Variants in CAMTA1 observed in about 807,000 individuals in gnomAD.
The protein encoded by CAMTA1 is calmodulin binding transcription activator 1, also known as calmodulin-binding transcription activator 1.
CAMTA1 carries 27 observed loss-of-function variants against 170.9 expected under a neutral mutation model. That is an observed-to-expected ratio of 0.16 (90% confidence interval 0.12 to 0.22). CAMTA1 has a LOEUF of 0.22. CAMTA1 is among the 10% of genes least tolerant of loss of function. The pLI is 1.00. For missense variants in CAMTA1, 1,619 were observed against 2,217.2 expected (o/e 0.73, Z 5.42); for synonymous variants, 833 against 891.5 (o/e 0.93, Z 1.17).
intron 3 of CAMTA1, among the ~76,000 whole-genome samples, chr1:7,022,890 G>A (rs1479788677): frequency 1.3e-5 from 2 of 152,150 alleles, no homozygotes; most frequent in African/African-American, 4.8e-5. Context: ...ATTCAAAGGT[G>A]AGGTTGGGAG....
chr1:7,288,500 G>T (rs1672660158), intron 5 of CAMTA1, among the ~76,000 whole-genome samples: 1 of 152,146 alleles, frequency 6.6e-6, no homozygotes, highest in South Asian at 2.1e-4. Context: ...GTTGAGTGTG[G>T]GCCGTTCAGT....
At chr1:7,012,213 C>T (rs1239663142) in intron 3 of CAMTA1, among the ~76,000 whole-genome samples, 1 of 152,164 alleles carries the variant, frequency 6.6e-6, no homozygotes, top group Non-Finnish European at 1.5e-5. Context: ...GCTTCCCATT[C>T]TCCAAGGTGA....
chr1:7,224,810 C>T lies in CAMTA1; in HGVS notation c.303-24681C>T, dbSNP rs929854075. Among the ~76,000 whole-genome samples, 2 of 141,872 alleles carry T rather than the reference C, an allele frequency of 1.4e-5. No homozygotes were observed. The highest frequency in any genetic ancestry group is 1.3e-4 in the Admixed American group (2 of 15,078). 93.1% of individuals were successfully genotyped at this position (141,872 alleles called of 152,430 possible). A position where few individuals can be genotyped will look rare whatever the true frequency, so the allele number is the denominator to read the frequency against. Reference sequence around the variant, plus strand: ...GCCCTGCTCCGTAGCTGCTCCATGTCGTCTGGATGGTCCGTTGGCACCCTG... The same window carrying T: ...GCCCTGCTCCGTAGCTGCTCCATGTTGTCTGGATGGTCCGTTGGCACCCTG... On this transcript the variant is annotated intron_variant, in intron 4 of 22. Coordinates refer to ENST00000303635, the MANE Select transcript of CAMTA1 (RefSeq NM_015215.4). The surrounding 1 kb of genome is among the most constrained non-coding windows in gnomAD (Gnocchi z 5.2).
At chr1:7,581,597 G>A (rs2095261498) in intron 6 of CAMTA1, among the ~76,000 whole-genome samples, 1 of 152,246 alleles carries the variant, frequency 6.6e-6, no homozygotes, top group Non-Finnish European at 1.5e-5. Context: ...CTGGGCCGTG[G>A]ACAAGCTCTT....
intron 5 of CAMTA1, among the ~76,000 whole-genome samples, chr1:7,363,169 A>T (rs988843616): frequency 6.6e-6 from 1 of 152,224 alleles, no homozygotes; most frequent in African/African-American, 2.4e-5. Context: ...CAACAGGAAC[A>T]TGGTGCCCAC....
chr1:6,792,365 G>C (rs147208493), intron 1 of CAMTA1, among the ~76,000 whole-genome samples: 4 of 149,890 alleles, frequency 2.7e-5, no homozygotes, highest in Non-Finnish European at 5.9e-5. Context: ...TTTGCCATCA[G>C]TATGCTAGCT....
chr1:7,094,988 C>A (rs1026416908), intron 4 of CAMTA1, among the ~76,000 whole-genome samples: 1 of 152,026 alleles, frequency 6.6e-6, no homozygotes, highest in African/African-American at 2.4e-5. Flanking sequence ...CTCCTGCAGG[C>A]CTTGACTGGG....
chr1:7,104,369 T>TACACAC (rs35873712), intron 4 of CAMTA1, among the ~76,000 whole-genome samples: 2,111 of 150,958 alleles, frequency 0.014, 23 homozygotes, highest in South Asian at 0.046. Flanking sequence ...TCAATACACA[T>TACACAC]ACACACACAC....
At chr1:7,018,711 C>A (rs1700929044) in intron 3 of CAMTA1, among the ~76,000 whole-genome samples, 1 of 152,164 alleles carries the variant, frequency 6.6e-6, no homozygotes, top group African/African-American at 2.4e-5. Context: ...GCCCTGGTAA[C>A]CACAGAGCAT....
At chr1:7,258,344 A>G (rs983428034) in intron 5 of CAMTA1, among the ~76,000 whole-genome samples, 6 of 152,260 alleles carry the variant, frequency 3.9e-5, no homozygotes, top group African/African-American at 1.4e-4. Flanking sequence ...GAGCAGCAGC[A>G]TATCAACTTG....
chr1:7,103,055 G>A (rs943993606), intron 4 of CAMTA1, among the ~76,000 whole-genome samples: 1 of 151,844 alleles, frequency 6.6e-6, no homozygotes. Flanking sequence ...GCAGGGAGAG[G>A]CTGCCCCTCT....
chr1:7,641,547 T>C lies in CAMTA1; in HGVS notation c.664+994T>C, dbSNP rs1486569544. Among the ~76,000 whole-genome samples the C allele has an allele frequency of 1.3e-5, 2 of 152,068 alleles. No homozygotes were observed. The highest frequency in any genetic ancestry group is 3.9e-4 in the East Asian group (2 of 5,186). On this transcript the variant is annotated intron_variant, in intron 7 of 22. Transcript: ENST00000303635. The surrounding 1 kb of genome is among the most constrained non-coding windows in gnomAD (Gnocchi z 4.5). Reference sequence around the variant, plus strand: ...AGGCTGAGGCTACGGGCACCTGCGGTGATGCTAATCCTGAGAGTCCCCTGG... The same window carrying C: ...AGGCTGAGGCTACGGGCACCTGCGGCGATGCTAATCCTGAGAGTCCCCTGG...
chr1:6,786,007 G>A (rs939487557), intron 1 of CAMTA1, among the ~76,000 whole-genome samples: 4 of 151,418 alleles, frequency 2.6e-5, no homozygotes, highest in Non-Finnish European at 1.5e-5. Flanking sequence ...ATCCGCCTCG[G>A]GTCCTCCTGG....
At chr1:7,644,768 AG>A (rs1256195827) in intron 7 of CAMTA1, among the ~76,000 whole-genome samples, 1 of 152,184 alleles carries the variant, frequency 6.6e-6, no homozygotes, top group Admixed American at 6.5e-5. Flanking sequence ...GTTGCAAGAG[AG>A]TCTGGGAAGT....
At position 7,592,596 on chromosome 1, in the gene CAMTA1, T is replaced by G. The variant is rs569084310; in HGVS notation, c.511-47804T>G. Among the ~76,000 whole-genome samples, 1 of 152,282 alleles carries G rather than the reference T, an allele frequency of 6.6e-6. No individual in the cohort carries two copies. Among genetic ancestry groups the G allele is most frequent in the Admixed American group, 6.5e-5 (1 of 15,294 alleles). ...GGGCCGTGGGAAAGACCTGCTGTCCTGCAAGCCACCTACCAGTGCGGAATG... is the reference window on the plus strand; with the variant it reads ...GGGCCGTGGGAAAGACCTGCTGTCCGGCAAGCCACCTACCAGTGCGGAATG... On this transcript the variant is annotated intron_variant, in intron 6 of 22. Transcript: ENST00000303635. This position sits in a 1 kb window ranked among gnomAD's most constrained non-coding sequence, Gnocchi z 4.6.
chr1:6,960,365 C>G (rs574551113), intron 3 of CAMTA1, among the ~76,000 whole-genome samples: 1 of 152,160 alleles, frequency 6.6e-6, no homozygotes, highest in Admixed American at 6.5e-5. Context: ...AGTGTGGGCC[C>G]CCATTTTGGA....
At chr1:7,239,558 G>A (rs4908451) in intron 4 of CAMTA1, among the ~76,000 whole-genome samples, 3 of 151,268 alleles carry the variant, frequency 2.0e-5, no homozygotes, top group Non-Finnish European at 4.4e-5. Context: ...CATCATTTAC[G>A]ATACCATGTC....
intron 4 of CAMTA1, among the ~76,000 whole-genome samples, chr1:7,152,406 C>T (rs1646627553): frequency 6.6e-6 from 1 of 152,146 alleles, no homozygotes; most frequent in Non-Finnish European, 1.5e-5. Context: ...ACTTTGAAGC[C>T]CCCAACCTTG....
At chr1:7,100,754 G>A (rs1027104767) in intron 4 of CAMTA1, among the ~76,000 whole-genome samples, 5 of 152,226 alleles carry the variant, frequency 3.3e-5, no homozygotes, top group African/African-American at 9.7e-5. Flanking sequence ...GCACAGGGGC[G>A]TGGTGTGGCC....
Sources: gnomAD v4.1 joint callset for allele counts (sites outside exome capture counted in the v4.1 genomes callset) on GRCh38, gnomAD v4.1.1 for gene constraint, Gnocchi (gnomAD v3.1) non-coding constraint, MANE v1.5 for transcripts, NCBI Gene and HGNC (gene_info 2026-07-23, HGNC 2026-07-21) for gene names.